Variants in DPYD observed in about 807,000 individuals in gnomAD.
DPYD encodes the protein dihydropyrimidine dehydrogenase [NADP(+)].
In DPYD, 109 loss-of-function variants were observed where a neutral mutation model predicts 116.2. That is an observed-to-expected ratio of 0.94 (90% CI 0.80 to 1.10). The LOEUF (loss-of-function observed/expected upper bound fraction) is 1.10, where lower values mean the gene tolerates loss of function less well. Ranked by LOEUF, DPYD falls within the 50% of genes least tolerant of loss-of-function variation. The pLI is 0.00. For synonymous variants in DPYD, 440 were observed against 432.0 expected (o/e 1.02, Z -0.23); for missense variants, 1,302 against 1,254.5 (o/e 1.04, Z -0.57).
intron 18 of DPYD, among the ~76,000 whole-genome samples, chr1:97,282,782 T>TA (rs1310570192): frequency 6.6e-6 from 1 of 152,084 alleles, no homozygotes; most frequent in East Asian, 1.9e-4. Flanking sequence ...CATGTGTACT[T>TA]AGTGTTTAGT....
intron 16 of DPYD, among the ~76,000 whole-genome samples, chr1:97,322,116 G>T (rs1668320656): frequency 7.4e-6 from 1 of 134,478 alleles, no homozygotes; most frequent in Non-Finnish European, 1.6e-5. Context: ...GATAGCATTG[G>T]GAGATATACC....
At chr1:97,453,192 T>C (rs1477777391) in intron 13 of DPYD, among the ~76,000 whole-genome samples, 1 of 152,100 alleles carries the variant, frequency 6.6e-6, no homozygotes, top group Non-Finnish European at 1.5e-5. Flanking sequence ...CACTGCAGCT[T>C]CTAAGACCTT....
intron 3 of DPYD, among the ~76,000 whole-genome samples, chr1:97,757,079 C>T (rs1420284335): frequency 2.0e-5 from 3 of 152,112 alleles, no homozygotes; most frequent in Admixed American, 1.3e-4. Flanking sequence ...CCCAAATATC[C>T]TGATAGGTCT....
intron 13 of DPYD, among the ~76,000 whole-genome samples, chr1:97,497,731 A>G (rs1679350882): frequency 6.6e-6 from 1 of 151,866 alleles, no homozygotes; most frequent in South Asian, 2.1e-4. Context: ...ATTGCTGGTG[A>G]GAATGTAAAT....
chr1:97,852,802 C>CA (rs1670637928), intron 2 of DPYD, among the ~76,000 whole-genome samples: 1 of 151,968 alleles, frequency 6.6e-6, no homozygotes, highest in Non-Finnish European at 1.5e-5. Flanking sequence ...GAAACACAGG[C>CA]AAAAAATGAT....
chr1:97,571,989 A>G (rs957773339), intron 11 of DPYD, among the ~76,000 whole-genome samples: 10 of 151,950 alleles, frequency 6.6e-5, no homozygotes, highest in Non-Finnish European at 1.2e-4. Flanking sequence ...CACTTGGAGA[A>G]TAACTTCTTA....
intron 11 of DPYD, among the ~76,000 whole-genome samples, chr1:97,559,875 T>G (rs1412626369): frequency 6.6e-6 from 1 of 152,220 alleles, no homozygotes; most frequent in African/African-American, 2.4e-5. Context: ...ATTGAGCGCT[T>G]TCATCAGCAT....
intron 12 of DPYD, among the ~76,000 whole-genome samples, chr1:97,537,334 C>A (rs1299997391): frequency 1.3e-5 from 2 of 152,200 alleles, no homozygotes; most frequent in Admixed American, 6.5e-5. Flanking sequence ...AAAATTACTG[C>A]CCCCAACATA....
intron 16 of DPYD, among the ~76,000 whole-genome samples, chr1:97,352,876 T>C (rs868302439): frequency 1.4e-4 from 21 of 151,896 alleles, no homozygotes; most frequent in African/African-American, 4.6e-4. Flanking sequence ...CTGTATTATA[T>C]GAGACAATAA....
intron 12 of DPYD, among the ~76,000 whole-genome samples, chr1:97,530,868 A>C (rs1309809264): frequency 1.3e-5 from 2 of 152,190 alleles, no homozygotes; most frequent in Admixed American, 1.3e-4. Flanking sequence ...CCTGATGATC[A>C]GTGATAAGCA....
chr1:97,574,861 A>G (rs1386190499), intron 10 of DPYD, among the ~76,000 whole-genome samples: 1 of 152,166 alleles, frequency 6.6e-6, no homozygotes, highest in Non-Finnish European at 1.5e-5. Flanking sequence ...AAAGCCAGGT[A>G]GATTCTCAAT....
Position 97,162,952 on chromosome 1 carries a change from C to A in DPYD, c.2622+30117G>T, listed in dbSNP as rs1394469887. Among the ~76,000 whole-genome samples the A allele has an allele frequency of 5.9e-5, 9 of 151,898 alleles. No homozygotes were observed. In the East Asian group the frequency reaches 1.5e-3, roughly 26 times the overall value. ...TATGTAGAAAGCTGAAACTGGATCT[C>A]TTCCTTACACCTTATACAAAAATTA... On this transcript the variant is annotated intron_variant, in intron 20 of 22. Coordinates refer to ENST00000370192, the MANE Select transcript of DPYD (RefSeq NM_000110.4).
Position 97,545,882 on chromosome 1 carries a change from A to C in DPYD, c.1524+3678T>G, listed in dbSNP as rs182833633. The C allele has an allele frequency of 1.2e-4, 123 of 1,065,890 alleles. No homozygotes were observed. In the African/African-American group the frequency reaches 1.7e-3, roughly 15 times the overall value. 66.0% of individuals were successfully genotyped at this position (1,065,890 alleles called of 1,614,324 possible). ...GACAATCTTAGACAGGTTTCTAATC[A>C]TAAGAAGTATAAAATTTAAACTATC... On this transcript the variant is annotated intron_variant, in intron 12 of 22. Transcript: ENST00000370192.
chr1:97,510,407 G>T (rs1045284505), intron 13 of DPYD, among the ~76,000 whole-genome samples: 6 of 151,876 alleles, frequency 4.0e-5, no homozygotes, highest in Non-Finnish European at 7.4e-5. Flanking sequence ...TGGGTATATG[G>T]AAGATAGAAA....
At chr1:97,451,409 C>T (rs1245373223) in intron 13 of DPYD, among the ~76,000 whole-genome samples, 5 of 152,232 alleles carry the variant, frequency 3.3e-5, no homozygotes, top group Admixed American at 3.3e-4. Flanking sequence ...AATTTACATT[C>T]ACTTTTACAT....
chr1:97,525,150 C>T (rs754151577), intron 12 of DPYD, among the ~76,000 whole-genome samples: 2 of 152,184 alleles, frequency 1.3e-5, no homozygotes, highest in South Asian at 2.1e-4. Context: ...GAATTTACCA[C>T]AATAACCTCT....
chr1:97,160,806 C>T (rs1473466883), intron 20 of DPYD, among the ~76,000 whole-genome samples: 1 of 152,100 alleles, frequency 6.6e-6, no homozygotes, highest in East Asian at 1.9e-4. Context: ...AAAAGCCTTA[C>T]TTTACTTACT....
intron 20 of DPYD, among the ~76,000 whole-genome samples, chr1:97,143,647 GT>G (rs1654392670): frequency 6.6e-6 from 1 of 152,038 alleles, no homozygotes; most frequent in African/African-American, 2.4e-5. Context: ...TAGAATTTAA[GT>G]TTGGCAAACA....
At chr1:97,808,997 G>A (rs2101375531) in intron 3 of DPYD, among the ~76,000 whole-genome samples, 1 of 152,154 alleles carries the variant, frequency 6.6e-6, no homozygotes, top group African/African-American at 2.4e-5. Flanking sequence ...AGACCAGTAT[G>A]GCTAAATATG....
Sources: gnomAD v4.1 joint callset for allele counts (sites outside exome capture counted in the v4.1 genomes callset) on GRCh38, gnomAD v4.1.1 for gene constraint, MANE v1.5 for transcripts, NCBI Gene and HGNC (gene_info 2026-07-23, HGNC 2026-07-21) for gene names.